The following ATP11C variants were observed in gnomAD, a reference collection of about 807,000 sequenced individuals.
The protein encoded by ATP11C is phospholipid-transporting ATPase IG.
Under a neutral mutation model 97.4 loss-of-function variants are expected in ATP11C, and 36 were observed. The ratio of observed to expected loss-of-function variants is 0.37; its 90% CI spans 0.28 to 0.49. The LOEUF (loss-of-function observed/expected upper bound fraction) is 0.49. ATP11C is among the 20% of genes least tolerant of loss of function. The pLI, the probability that ATP11C is intolerant of heterozygous loss-of-function variation, is 0.98. For missense variants in ATP11C, 730 were observed against 824.6 expected (o/e 0.89, Z 1.40); for synonymous variants, 275 against 290.9 (o/e 0.95, Z 0.56).
chrX:139,862,789 A>C (rs2084223418), intron 1 of ATP11C, among the ~76,000 whole-genome samples: 1 of 111,848 alleles, frequency 8.9e-6, no homozygotes, highest in Non-Finnish European at 1.9e-5. Context: ...TAGAAATGTC[A>C]GTTCTAACCA....
intron 1 of ATP11C, among the ~76,000 whole-genome samples, chrX:139,874,388 G>A (rs765897931): frequency 9.1e-6 from 1 of 109,883 alleles, no homozygotes; most frequent in Non-Finnish European, 1.9e-5. Context: ...AGTTCTGTGA[G>A]ATAATACCTG....
intron 1 of ATP11C, among the ~76,000 whole-genome samples, chrX:139,845,964 C>T (rs773853315): frequency 8.9e-6 from 1 of 112,227 alleles, no homozygotes; most frequent in Non-Finnish European, 1.9e-5. Flanking sequence ...CTATAGAGAT[C>T]GCTCAGATTG....
At chrX:139,748,212 C>G (rs1022773178) in intron 24 of ATP11C, among the ~76,000 whole-genome samples, 1 of 111,156 alleles carries the variant, frequency 9.0e-6, no homozygotes, top group Admixed American at 9.5e-5. Flanking sequence ...GGCTCATTTA[C>G]TCCTCACAAA....
intron 14 of ATP11C, 38 bp from the exon 15 acceptor site, chrX:139,787,282 A>G: frequency 9.4e-7 from 1 of 1,062,457 alleles, no homozygotes; most frequent in South Asian, 2.2e-5. Context: ...TGTATCTCTA[A>G]AGAATGATTA....
At chrX:139,785,175 A>G in intron 16 of ATP11C, 51 bp downstream of exon 16, 1 of 949,639 alleles carries the variant, frequency 1.1e-6, no homozygotes. Flanking sequence ...GAATCAACCA[A>G]TAAGCCTACA....
intron 8 of ATP11C, 38 bp downstream of exon 8, chrX:139,800,022 C>CA (rs760980236): frequency 8.3e-6 from 5 of 600,072 alleles, no homozygotes; most frequent in Middle Eastern, 3.5e-4. Flanking sequence ...GACCCCCCCC[C>CA]CCAACCAAAG....
intron 21 of ATP11C, among the ~76,000 whole-genome samples, chrX:139,762,317 C>T (rs950492170): frequency 8.9e-6 from 1 of 111,944 alleles, no homozygotes. Context: ...ATTCGTAATA[C>T]AGTATACAAC....
Position 139,731,712 on chromosome X carries a change from C to G in ATP11C, c.3332G>C (p.Arg1111Thr). 1 of 1,197,528 alleles carries G rather than the reference C, an allele frequency of 8.4e-7. No individual in the cohort carries two copies. The highest frequency in any genetic ancestry group is 1.8e-5 in the South Asian group (1 of 54,978). ...TAAAAGAAGAGGTCTGACTGAAGGTCTGGCGGATAATGAGTCAGATGCCCT... is the reference window on the plus strand; with the variant it reads ...TAAAAGAAGAGGTCTGACTGAAGGTGTGGCGGATAATGAGTCAGATGCCCT... ...CRRASDSLSA[R>T]PSVRPLLLRT... is the part of the protein sequence containing the mutation. Residue 1111 changes from arginine to threonine, a missense_variant, in exon 29 of 30, where the codon AGA becomes ACA. Transcript: ENST00000682941.
chrX:139,905,349 C>T (rs1195137270), intron 1 of ATP11C, among the ~76,000 whole-genome samples: 3 of 112,167 alleles, frequency 2.7e-5, no homozygotes, highest in African/African-American at 9.7e-5. Flanking sequence ...TTTAATGTCT[C>T]CTTTCACATT....
Position 139,745,853 on chromosome X carries a change from T to C in ATP11C, c.2833A>G (p.Ile945Val). 1.7e-6 allele frequency: 2 copies of C among 1,194,067 alleles called. No homozygotes were observed. Among genetic ancestry groups the C allele is most frequent in the African/African-American group, 3.5e-5 (2 of 56,853 alleles). Residue 945 changes from isoleucine to valine, a missense_variant, in exon 25 of 30, where the codon ATT becomes GTT. Ile to Val is a conservative substitution (Grantham distance 29). Transcript: ENST00000682941. ...LTSDPRLYMK[I>V]SGNAMLQLGP... Reference sequence around the variant, plus strand: ...AACTGTAGCATGGCATTGCCAGAAATTTTCCTATTGAGAAATGGGGGGAAA... The same window carrying C: ...AACTGTAGCATGGCATTGCCAGAAACTTTCCTATTGAGAAATGGGGGGAAA...
chrX:139,913,626 C>CCCA (rs1370114210), intron 1 of ATP11C, among the ~76,000 whole-genome samples: 1 of 111,195 alleles, frequency 9.0e-6, no homozygotes, highest in Non-Finnish European at 1.9e-5. Flanking sequence ...CAAAAGCTCC[C>CCCA]CCACTGAGCA....
chrX:139,784,099 C>T (rs2082523188), intron 16 of ATP11C, among the ~76,000 whole-genome samples: 1 of 112,002 alleles, frequency 8.9e-6, no homozygotes, highest in Non-Finnish European at 1.9e-5. Flanking sequence ...CACAGTTGTG[C>T]ACTAAGACAG....
intron 1 of ATP11C, among the ~76,000 whole-genome samples, chrX:139,908,917 T>C (rs1214573912): frequency 1.8e-5 from 2 of 112,088 alleles, no homozygotes; most frequent in East Asian, 5.6e-4. Context: ...TATTATACTT[T>C]AGGACCATGC....
intron 1 of ATP11C, among the ~76,000 whole-genome samples, chrX:139,842,862 G>A (rs2083856176): frequency 8.9e-6 from 1 of 111,846 alleles, no homozygotes; most frequent in Admixed American, 9.5e-5. Flanking sequence ...ACTGTGCTTG[G>A]TTTCAGAGCT....
chrX:139,880,813 AAGAC>A (rs1184035304), intron 1 of ATP11C, among the ~76,000 whole-genome samples: 3 of 112,072 alleles, frequency 2.7e-5, no homozygotes. Flanking sequence ...GATGGTAAAT[AAGAC>A]AGACAAGAAA....
At chrX:139,733,952 C>T (rs1274922274) in intron 28 of ATP11C, among the ~76,000 whole-genome samples, 1 of 111,214 alleles carries the variant, frequency 9.0e-6, no homozygotes, top group Non-Finnish European at 1.9e-5. Flanking sequence ...ATTGATATAG[C>T]TAGCAACCGG....
rs112245621 is a variant in ATP11C, at chrX:139,780,429, C to T, written c.1952+2118G>A. On this transcript the variant is annotated intron_variant, in intron 18 of 29. Transcript: ENST00000682941. ...ATCAATAAATGTAATTCACCACGTA[C>T]GTAAAATTAAAACAAAAATTATATG... 3.0e-3 allele frequency among the ~76,000 whole-genome samples: 323 copies of T among 108,646 alleles called. 2 individuals are homozygous for T. Among genetic ancestry groups the T allele is most frequent in the African/African-American group, 9.0e-3 (268 of 29,865 alleles). 94.3% of individuals were successfully genotyped at this position (108,646 alleles called of 115,157 possible). A position where few individuals can be genotyped will look rare whatever the true frequency, so the allele number is the denominator to read the frequency against.
At chrX:139,742,877 AT>A (rs1301614890) in intron 26 of ATP11C, among the ~76,000 whole-genome samples, 4,052 of 68,287 alleles carry the variant, frequency 0.059, 112 homozygotes, top group African/African-American at 0.13. Flanking sequence ...AAAAAAAAAA[AT>A]ATATATATAT....
At chrX:139,802,178 T>C in intron 7 of ATP11C, 58 bp downstream of exon 7, 1 of 872,250 alleles carries the variant, frequency 1.1e-6, no homozygotes, top group East Asian at 3.1e-5. Context: ...TGCAATACTA[T>C]TAGCAAAGAG....
Sources: gnomAD v4.1 joint callset for allele counts (sites outside exome capture counted in the v4.1 genomes callset) on GRCh38, gnomAD v4.1.1 for gene constraint, MANE v1.5 for transcripts, NCBI Gene and HGNC (gene_info 2026-07-23, HGNC 2026-07-21) for gene names.